The following METTL24 variants were observed in gnomAD, a reference collection of about 807,000 sequenced individuals.
METTL24 encodes the protein methyltransferase like 24.
A neutral mutation model predicts 32.7 loss-of-function variants in METTL24; 29 were observed. That is an observed-to-expected ratio of 0.89 (90% CI 0.66 to 1.21). METTL24 has a LOEUF of 1.21. METTL24 is among the 50% of genes most tolerant of loss of function. The pLI is 0.00. For missense variants in METTL24, 439 were observed against 468.1 expected, an observed-to-expected ratio of 0.94 and a Z score of 0.57; for synonymous variants, 163 against 179.5, an observed-to-expected ratio of 0.91 and a Z score of 0.73.
intron 4 of METTL24, among the ~76,000 whole-genome samples, chr6:110,276,785 C>T (rs550272069): frequency 1.3e-5 from 2 of 152,090 alleles, no homozygotes; most frequent in Admixed American, 1.3e-4. Flanking sequence ...ATTGCAATCA[C>T]TCAGTATTCA....
rs146213991 is a variant in METTL24 at position 110,333,079 on chromosome 6, A to G, written c.319-10207T>C. ...CACCCTATTCAAAATACGTAAGGTTACCTGGACTTTCTGAAACTCAGAATC... is the reference window on the plus strand; with the variant it reads ...CACCCTATTCAAAATACGTAAGGTTGCCTGGACTTTCTGAAACTCAGAATC... On this transcript the variant is annotated intron_variant, in intron 1 of 4. Coordinates refer to ENST00000338882, the MANE Select transcript of METTL24 (RefSeq NM_001123364.3). Among the ~76,000 whole-genome samples the G allele has an allele frequency of 1.4e-3, 214 of 152,282 alleles. 2 individuals are homozygous for G. The highest frequency in any genetic ancestry group is 5.0e-3 in the African/African-American group (207 of 41,566).
intron 4 of METTL24, among the ~76,000 whole-genome samples, chr6:110,248,065 C>T (rs886777604): frequency 6.6e-6 from 1 of 151,700 alleles, no homozygotes; most frequent in East Asian, 1.9e-4. Context: ...GAGTGTGGCA[C>T]CTCTACCCCC....
At chr6:110,327,846 T>A (rs17568719) in intron 1 of METTL24, among the ~76,000 whole-genome samples, 5 of 152,170 alleles carry the variant, frequency 3.3e-5, no homozygotes, top group Non-Finnish European at 7.3e-5. Context: ...TCCAAACAAT[T>A]CCCTAAATGC....
intron 4 of METTL24, among the ~76,000 whole-genome samples, chr6:110,268,983 C>A (rs1342844986): frequency 1.3e-5 from 2 of 152,024 alleles, no homozygotes; most frequent in African/African-American, 2.4e-5. Context: ...GGTCTACAGC[C>A]CACATCATAT....
intron 1 of METTL24, among the ~76,000 whole-genome samples, chr6:110,336,954 A>G (rs995529634): frequency 1.3e-5 from 2 of 152,178 alleles, no homozygotes; most frequent in African/African-American, 2.4e-5. Context: ...TCATTCTGCC[A>G]TAAAGACACA....
At chr6:110,253,217 G>A (rs1024702817) in intron 4 of METTL24, among the ~76,000 whole-genome samples, 1 of 152,164 alleles carries the variant, frequency 6.6e-6, no homozygotes, top group Non-Finnish European at 1.5e-5. Context: ...AAGAGGTCCT[G>A]AGTCAATAGG....
chr6:110,292,305 A>G (rs2114726103), intron 4 of METTL24, among the ~76,000 whole-genome samples: 1 of 152,354 alleles, frequency 6.6e-6, no homozygotes, highest in East Asian at 1.9e-4. Flanking sequence ...ATATTGCCAA[A>G]CTGCCCTGCA....
intron 4 of METTL24, among the ~76,000 whole-genome samples, chr6:110,274,440 A>T (rs1771009401): frequency 6.6e-6 from 1 of 152,202 alleles, no homozygotes; most frequent in Admixed American, 6.5e-5. Flanking sequence ...GTTCTCACTT[A>T]TAAGTGGGAC....
intron 4 of METTL24, among the ~76,000 whole-genome samples, chr6:110,270,405 A>C (rs1453690777): frequency 1.3e-5 from 2 of 152,146 alleles, no homozygotes; most frequent in Non-Finnish European, 2.9e-5. Context: ...CAATGGAAAC[A>C]AAGGGTAGAA....
intron 4 of METTL24, among the ~76,000 whole-genome samples, chr6:110,264,873 C>T (rs1770822772): frequency 6.6e-6 from 1 of 151,258 alleles, no homozygotes; most frequent in Non-Finnish European, 1.5e-5. Context: ...ATTGCAAGGA[C>T]AAAAAACCAA....
intron 4 of METTL24, among the ~76,000 whole-genome samples, chr6:110,284,493 GAACA>G (rs1230928008): frequency 6.6e-6 from 1 of 152,076 alleles, no homozygotes; most frequent in Non-Finnish European, 1.5e-5. Context: ...ATGAATAGAT[GAACA>G]GACAGACAGA....
chr6:110,302,564 C>CACATATACACACACATATGTGTATATAT (rs1771545313), intron 3 of METTL24, among the ~76,000 whole-genome samples: 1 of 98,354 alleles, frequency 1.0e-5, no homozygotes. Flanking sequence ...TGTATATATA[C>CACATATACACACACATATGTGTATATAT]ACACATACAC....
intron 1 of METTL24, among the ~76,000 whole-genome samples, chr6:110,346,907 G>A (rs6924534): frequency 6.6e-6 from 1 of 151,954 alleles, no homozygotes; most frequent in Non-Finnish European, 1.5e-5. Context: ...ATTAATCATC[G>A]TTATATGTAA....
intron 3 of METTL24, among the ~76,000 whole-genome samples, chr6:110,313,294 C>T (rs1317800458): frequency 2.0e-5 from 3 of 152,240 alleles, no homozygotes; most frequent in African/African-American, 7.2e-5. Flanking sequence ...AATGCCCTGA[C>T]TTGATTACTA....
chr6:110,246,889 T>C (rs577125878), intron 4 of METTL24, among the ~76,000 whole-genome samples: 1 of 150,884 alleles, frequency 6.6e-6, no homozygotes, highest in South Asian at 2.1e-4. Flanking sequence ...TATTGGACTA[T>C]AAAAAAATAA....
intron 1 of METTL24, among the ~76,000 whole-genome samples, chr6:110,331,615 G>A (rs1772110545): frequency 6.9e-6 from 1 of 144,560 alleles, no homozygotes; most frequent in African/African-American, 2.6e-5. Flanking sequence ...GAGTCATGCT[G>A]TGCCACTGCA....
chr6:110,320,850 A>G (rs1481106974), intron 2 of METTL24, among the ~76,000 whole-genome samples: 1 of 152,108 alleles, frequency 6.6e-6, no homozygotes, highest in Non-Finnish European at 1.5e-5. Flanking sequence ...ATTTTGATAC[A>G]ATCTCTTCCA....
At chr6:110,329,169 C>T (rs1772069385) in intron 1 of METTL24, among the ~76,000 whole-genome samples, 2 of 152,158 alleles carry the variant, frequency 1.3e-5, no homozygotes, top group Admixed American at 6.5e-5. Flanking sequence ...CTCCCAAATG[C>T]ATGTTCCCAC....
intron 1 of METTL24, among the ~76,000 whole-genome samples, chr6:110,330,581 G>T (rs914266109): frequency 6.6e-6 from 1 of 151,574 alleles, no homozygotes; most frequent in Non-Finnish European, 1.5e-5. Context: ...GCACAGCAAA[G>T]ACTGAGAACT....
Sources: allele counts gnomAD v4.1 joint callset (sites outside exome capture counted in the v4.1 genomes callset), GRCh38; gene constraint gnomAD v4.1.1; transcripts MANE v1.5; gene names NCBI Gene and HGNC (gene_info 2026-07-23, HGNC 2026-07-21).